TRDN: variants seen among roughly 807,000 people sequenced by gnomAD.
TRDN encodes triadin in skeletal muscle.
TRDN carries 161 observed loss-of-function variants against 149.7 expected under a neutral mutation model. The observed-to-expected ratio is 1.08, with a 90% CI of 0.95 to 1.23. The LOEUF (loss-of-function observed/expected upper bound fraction) is 1.23, where lower values mean the gene tolerates loss of function less well. Ranked by LOEUF, TRDN falls within the 50% of genes most tolerant of loss-of-function variation. TRDN has a pLI of 0.00. For synonymous variants in TRDN, 294 were observed against 250.5 expected (o/e 1.17, Z -1.64); for missense variants, 896 against 823.5 (o/e 1.09, Z -1.08).
intron 38 of TRDN, among the ~76,000 whole-genome samples, chr6:123,252,182 C>T (rs1217501212): frequency 6.6e-6 from 1 of 151,628 alleles, no homozygotes; most frequent in Non-Finnish European, 1.5e-5. Context: ...TATTTTCAGG[C>T]TTGAGAAAAT....
chr6:123,619,861 T>C (rs936790319), intron 1 of TRDN, among the ~76,000 whole-genome samples: 6 of 151,976 alleles, frequency 3.9e-5, no homozygotes, highest in African/African-American at 1.5e-4. Flanking sequence ...TGCATACAGA[T>C]AAAAAAACAG....
At chr6:123,622,354 C>A (rs918972926) in intron 1 of TRDN, among the ~76,000 whole-genome samples, 1 of 151,606 alleles carries the variant, frequency 6.6e-6, no homozygotes, top group Non-Finnish European at 1.5e-5. Context: ...CACAGGCACA[C>A]GCACACACAT....
chr6:123,323,780 T>C lies in TRDN; in HGVS notation c.1472-7285A>G, dbSNP rs185527498. On this transcript the variant is annotated intron_variant, in intron 23 of 40. Coordinates refer to ENST00000334268, the MANE Select transcript of TRDN (RefSeq NM_006073.4). ...TTTTCATGGTCTTTTGTCTTTTGTA[T>C]ATGCTAAATGCAATGTACCACACTT... Among the ~76,000 whole-genome samples, 7 of 152,366 alleles carry C rather than the reference T, an allele frequency of 4.6e-5. No homozygotes were observed. In the East Asian group the frequency reaches 7.7e-4, roughly 17 times the overall value.
intron 12 of TRDN, among the ~76,000 whole-genome samples, chr6:123,435,445 C>T (rs1325250612): frequency 6.6e-6 from 1 of 151,568 alleles, no homozygotes; most frequent in Non-Finnish European, 1.5e-5. Context: ...ATTATTAAAC[C>T]CTAAAAAGAA....
intron 38 of TRDN, among the ~76,000 whole-genome samples, chr6:123,237,044 C>T (rs1402271088): frequency 6.6e-6 from 1 of 152,008 alleles, no homozygotes; most frequent in Non-Finnish European, 1.5e-5. Context: ...TATGGTATAG[C>T]TCTACTTATT....
chr6:123,366,117 T>C lies in TRDN; in HGVS notation c.1321+18A>G, dbSNP rs781109821. ...ATAACTTATAGTTATGACATCTTTA[T>C]CTTTAAGCTGCATTTACCTTTTTTA... On this transcript the variant is annotated intron_variant, in intron 20 of 40. Transcript: ENST00000334268. The C allele has an allele frequency of 6.2e-7, 1 of 1,604,686 alleles. No homozygotes were observed. Among genetic ancestry groups the C allele is most frequent in the South Asian group, 1.1e-5 (1 of 90,498 alleles).
chr6:123,551,811 T>G (rs2114453474), intron 2 of TRDN, among the ~76,000 whole-genome samples: 1 of 152,250 alleles, frequency 6.6e-6, no homozygotes, highest in Non-Finnish European at 1.5e-5. Context: ...TTCTTAACTA[T>G]TGTGCTATAT....
At chr6:123,265,231 T>G (rs921146399) in intron 33 of TRDN, 87 bp downstream of exon 33, 1 of 1,014,688 alleles carries the variant, frequency 9.9e-7, no homozygotes, top group Middle Eastern at 2.3e-4. Context: ...CAGACCATAC[T>G]ATTTAACTTC....
chr6:123,409,715 A>C lies in TRDN; in HGVS notation c.1052-16038T>G, dbSNP rs377505355. Reference sequence around the variant, plus strand: ...TACACACACACACACACACACACACACCCAAAACTCAGAGTCTAGTGAGAA... The same window carrying C: ...TACACACACACACACACACACACACCCCCAAAACTCAGAGTCTAGTGAGAA... On this transcript the variant is annotated intron_variant, in intron 12 of 40. Transcript: ENST00000334268. 4.8e-4 allele frequency among the ~76,000 whole-genome samples: 73 copies of C among 151,486 alleles called. 2 individuals are homozygous for C. The South Asian group carries it at 0.012, about 26-fold the overall frequency.
chr6:123,554,700 T>C (rs781716507), intron 2 of TRDN, among the ~76,000 whole-genome samples: 7 of 151,882 alleles, frequency 4.6e-5, no homozygotes, highest in Non-Finnish European at 8.8e-5. Flanking sequence ...CTCATTCCCA[T>C]CCCACCGCCT....
intron 21 of TRDN, among the ~76,000 whole-genome samples, chr6:123,345,344 C>T (rs1029409007): frequency 6.6e-6 from 1 of 151,806 alleles, no homozygotes; most frequent in African/African-American, 2.4e-5. Flanking sequence ...TGTTTTTTCT[C>T]CTTTGTCAAA....
intron 24 of TRDN, among the ~76,000 whole-genome samples, chr6:123,286,192 G>T (rs552203577): frequency 1.2e-4 from 18 of 152,140 alleles, no homozygotes; most frequent in African/African-American, 3.6e-4. Context: ...CAGAGGAAAA[G>T]AAATTATTAT....
At chr6:123,351,433 T>G in intron 21 of TRDN, 1 of 984,836 alleles carries the variant, frequency 1.0e-6, no homozygotes, top group Non-Finnish European at 1.2e-6. Flanking sequence ...TTTCAGAAAC[T>G]AAAATTCCAC....
intron 21 of TRDN, 103 bp downstream of exon 21, chr6:123,352,436 A>T (rs768314169): frequency 6.6e-6 from 10 of 1,520,940 alleles, no homozygotes; most frequent in Non-Finnish European, 8.8e-6. Context: ...AGAGTAATAG[A>T]CTTAAAGGTT....
intron 23 of TRDN, among the ~76,000 whole-genome samples, chr6:123,326,580 G>T (rs1779464943): frequency 6.6e-6 from 1 of 151,652 alleles, no homozygotes; most frequent in Non-Finnish European, 1.5e-5. Flanking sequence ...TACTATTAAT[G>T]TTTGGTTTAC....
At chr6:123,366,084 T>C (rs756437832) in intron 20 of TRDN, 51 bp downstream of exon 20, 43 of 1,495,804 alleles carry the variant, frequency 2.9e-5, no homozygotes, top group Non-Finnish European at 3.3e-5. Flanking sequence ...TTAGAAACCT[T>C]AGCAGAAATA....
chr6:123,479,957 A>C (rs190789997), intron 9 of TRDN, among the ~76,000 whole-genome samples: 5 of 152,260 alleles, frequency 3.3e-5, no homozygotes, highest in Admixed American at 2.6e-4. Context: ...ACATATTTTC[A>C]ACCATCAGTT....
intron 12 of TRDN, among the ~76,000 whole-genome samples, chr6:123,425,356 G>T (rs1322935550): frequency 6.6e-6 from 1 of 151,820 alleles, no homozygotes; most frequent in Non-Finnish European, 1.5e-5. Context: ...TTTAAATGGA[G>T]ATGGTGAATA....
At position 123,271,169 on chromosome 6, in the gene TRDN, G is replaced by C. The variant is rs892905883; in HGVS notation, c.1690C>G (p.Gln564Glu). The change falls in exon 30 of 41, where the codon CAG (glutamine) becomes GAG (glutamate). Residue 564 changes from glutamine (Q) to glutamate (E), a missense_variant. Coordinates refer to ENST00000334268, the MANE Select transcript of TRDN (RefSeq NM_006073.4). Reference protein sequence around the residue: ...HGKPEEKVLKQVKAVTIEKTA... With the variant: ...HGKPEEKVLKEVKAVTIEKTA... ...TTTTCTATTGTGACAGCTTTTACCT[G>C]CTTGAGAACTTTTTCTTCTGTGATA... is the stretch of plus-strand genomic sequence containing the variant. The C allele has an allele frequency of 2.6e-6, 4 of 1,539,390 alleles. No individual in the cohort carries two copies. In the African/African-American group the frequency reaches 5.5e-5, roughly 21 times the overall value.
Sources: allele counts gnomAD v4.1 joint callset (sites outside exome capture counted in the v4.1 genomes callset), GRCh38; gene constraint gnomAD v4.1.1; transcripts MANE v1.5; gene names NCBI Gene and HGNC (gene_info 2026-07-23, HGNC 2026-07-21).